The following CNTNAP2 variants were observed in gnomAD, a reference collection of about 807,000 sequenced individuals.
CNTNAP2 encodes contactin associated protein 2.
A neutral mutation model predicts 155.2 loss-of-function variants in CNTNAP2; 98 were observed. That is an observed-to-expected ratio of 0.63 (90% confidence interval 0.54 to 0.75). The LOEUF (loss-of-function observed/expected upper bound fraction) is 0.75, where lower values mean the gene tolerates loss of function less well. Among genes scored for constraint, CNTNAP2 ranks in the 30% least tolerant of loss-of-function variants. The pLI is 0.00. For synonymous variants in CNTNAP2, 651 were observed against 631.2 expected (o/e 1.03, Z -0.47); for missense variants, 1,727 against 1,688.1 (o/e 1.02, Z -0.40).
At chr7:147,663,509 A>G (rs73741210) in intron 13 of CNTNAP2, among the ~76,000 whole-genome samples, 30,393 of 152,204 alleles carry the variant, frequency 0.2, 3,419 homozygotes, top group Middle Eastern at 0.32. Flanking sequence ...CTTCACATAA[A>G]AGATGACATT....
chr7:146,410,245 G>A (rs972451079), intron 1 of CNTNAP2, among the ~76,000 whole-genome samples: 2 of 152,104 alleles, frequency 1.3e-5, no homozygotes, highest in African/African-American at 2.4e-5. Context: ...TGTAAATAAA[G>A]TTTTATTGGA....
intron 1 of CNTNAP2, among the ~76,000 whole-genome samples, chr7:146,705,580 G>A (rs1190732164): frequency 6.6e-6 from 1 of 151,174 alleles, no homozygotes; most frequent in Non-Finnish European, 1.5e-5. Context: ...ACCTGAGACT[G>A]GATAATTTAT....
chr7:146,856,325 C>A (rs1248518568), intron 3 of CNTNAP2, among the ~76,000 whole-genome samples: 3 of 150,094 alleles, frequency 2.0e-5, no homozygotes, highest in Non-Finnish European at 3.0e-5. Flanking sequence ...TACATACATA[C>A]ATACATACAT....
chr7:146,468,122 A>C (rs1350929106), intron 1 of CNTNAP2, among the ~76,000 whole-genome samples: 1 of 152,200 alleles, frequency 6.6e-6, no homozygotes, highest in Non-Finnish European at 1.5e-5. Flanking sequence ...TAGACATCTA[A>C]AATTTTTTAA....
At chr7:146,873,082 AT>A (rs1401467120) in intron 3 of CNTNAP2, among the ~76,000 whole-genome samples, 1 of 152,208 alleles carries the variant, frequency 6.6e-6, no homozygotes, top group African/African-American at 2.4e-5. Flanking sequence ...GAAACAGTTG[AT>A]TTAAACTTCT....
chr7:146,239,010 G>A (rs147728351), intron 1 of CNTNAP2, among the ~76,000 whole-genome samples: 27 of 152,210 alleles, frequency 1.8e-4, no homozygotes, highest in Non-Finnish European at 3.4e-4. Flanking sequence ...GATTTTGGGT[G>A]GGGACACAGC....
intron 13 of CNTNAP2, 35 bp downstream of exon 13, chr7:147,639,341 A>G (rs925479515): frequency 3.8e-6 from 6 of 1,594,892 alleles, no homozygotes; most frequent in Middle Eastern, 3.3e-4. Context: ...TTTAATCACT[A>G]TCTCAGCTGG....
chr7:146,686,857 T>A (rs1315824727), intron 1 of CNTNAP2, among the ~76,000 whole-genome samples: 1 of 152,196 alleles, frequency 6.6e-6, no homozygotes, highest in Non-Finnish European at 1.5e-5. Flanking sequence ...ATTCAGCCAA[T>A]GTTTGTCGTA....
intron 15 of CNTNAP2, among the ~76,000 whole-genome samples, chr7:148,100,097 C>T (rs780343753): frequency 1.4e-4 from 21 of 151,958 alleles, no homozygotes; most frequent in Admixed American, 5.2e-4. Flanking sequence ...GTCTTGAACT[C>T]CTTCCCTCAT....
chr7:148,389,447 C>T (rs1050960402), intron 22 of CNTNAP2, among the ~76,000 whole-genome samples: 3 of 152,176 alleles, frequency 2.0e-5, no homozygotes, highest in African/African-American at 7.2e-5. Flanking sequence ...CCTCGCCAGC[C>T]GTGTGGAACT....
intron 3 of CNTNAP2, among the ~76,000 whole-genome samples, chr7:146,934,335 A>G (rs923617853): frequency 1.2e-4 from 18 of 151,886 alleles, no homozygotes; most frequent in Admixed American, 6.6e-4. Flanking sequence ...GTAAACTATT[A>G]CAAGAACAAA....
intron 8 of CNTNAP2, among the ~76,000 whole-genome samples, chr7:147,220,941 CTGATCTG>C (rs1803383354): frequency 6.6e-6 from 1 of 152,118 alleles, no homozygotes; most frequent in South Asian, 2.1e-4. Context: ...TCTCAAACTC[CTGATCTG>C]TGATCTGCCT....
chr7:147,963,544 G>A (rs1801150221), intron 14 of CNTNAP2, among the ~76,000 whole-genome samples: 3 of 152,126 alleles, frequency 2.0e-5, no homozygotes, highest in Admixed American at 2.0e-4. Flanking sequence ...AGGAATGTGT[G>A]ACAGTAAACA....
At position 147,121,041 on chromosome 7, in the gene CNTNAP2, G is replaced by T; in HGVS notation, c.817G>T (p.Asp273Tyr). ...AGTGATGACAGGAAGTTTGCTGGAT[G>T]ACCACCACTGGCACTCTGTGGTCAT... ...TSVMTGSLLD[D>Y]HHWHSVVIER... The change falls in exon 6 of 24, where the codon GAC becomes TAC. Residue 273 changes from aspartate (D) to tyrosine (Y), a missense_variant. By Grantham distance (160) the Asp-to-Tyr change is radical. Coordinates refer to ENST00000361727, the MANE Select transcript of CNTNAP2 (RefSeq NM_014141.6). 6.2e-7 allele frequency: 1 copy of T among 1,614,020 alleles called. No individual in the cohort carries two copies. The highest frequency in any genetic ancestry group is 1.1e-5 in the South Asian group (1 of 91,036).
At chr7:147,041,287 C>T (rs966809909) in intron 3 of CNTNAP2, among the ~76,000 whole-genome samples, 5 of 152,012 alleles carry the variant, frequency 3.3e-5, no homozygotes, top group African/African-American at 7.2e-5. Context: ...TCATGTTTCC[C>T]GAGAATCTAC....
At chr7:146,323,068 G>A (rs1425352151) in intron 1 of CNTNAP2, among the ~76,000 whole-genome samples, 2 of 151,942 alleles carry the variant, frequency 1.3e-5, no homozygotes, top group Non-Finnish European at 2.9e-5. Context: ...AGATTTTCTG[G>A]AAAATTACCT....
intron 17 of CNTNAP2, among the ~76,000 whole-genome samples, chr7:148,152,792 G>GCA: frequency 6.6e-6 from 1 of 152,156 alleles, no homozygotes; most frequent in Non-Finnish European, 1.5e-5. Context: ...AGGCCGAGAT[G>GCA]GGGGGATCAC....
chr7:148,050,226 G>A (rs1323436928), intron 15 of CNTNAP2, among the ~76,000 whole-genome samples: 1 of 152,176 alleles, frequency 6.6e-6, no homozygotes, highest in East Asian at 1.9e-4. Flanking sequence ...CCAGAAGAAG[G>A]CATTGTTACC....
intron 1 of CNTNAP2, among the ~76,000 whole-genome samples, chr7:146,516,135 T>A: frequency 6.6e-6 from 1 of 152,082 alleles, no homozygotes; most frequent in East Asian, 1.9e-4. Context: ...ACAGAGTAGC[T>A]GTGTTCTGGT....
Sources: gnomAD v4.1 joint callset for allele counts (sites outside exome capture counted in the v4.1 genomes callset) on GRCh38, gnomAD v4.1.1 for gene constraint, MANE v1.5 for transcripts, NCBI Gene and HGNC (gene_info 2026-07-23, HGNC 2026-07-21) for gene names.